Variants in WT1 observed in about 807,000 individuals in gnomAD.
WT1 encodes the protein Wilms tumor protein.
In WT1, 8 loss-of-function variants were observed where a neutral mutation model predicts 60.8. The observed-to-expected ratio is 0.13, with a 90% CI of 0.08 to 0.24. The LOEUF (loss-of-function observed/expected upper bound fraction) is 0.24. Ranked by LOEUF, WT1 falls within the 10% of genes least tolerant of loss-of-function variation. The pLI is 1.00. For missense variants in WT1, 568 were observed against 711.8 expected, an observed-to-expected ratio of 0.80 and a Z score of 2.30; for synonymous variants, 312 against 297.1, an observed-to-expected ratio of 1.05 and a Z score of -0.52.
At chr11:32,424,380 C>A (rs1260990230) in intron 3 of WT1, among the ~76,000 whole-genome samples, 1 of 152,100 alleles carries the variant, frequency 6.6e-6, no homozygotes, top group Non-Finnish European at 1.5e-5. Flanking sequence ...ATAGTACCTG[C>A]CTCAACGAGT....
intron 5 of WT1, among the ~76,000 whole-genome samples, chr11:32,404,351 A>G (rs1309939223): frequency 6.6e-6 from 1 of 151,976 alleles, no homozygotes; most frequent in Non-Finnish European, 1.5e-5. Flanking sequence ...TTTGAGACAT[A>G]AGATAATTGA....
intron 9 of WT1, among the ~76,000 whole-genome samples, chr11:32,391,237 A>AACC (rs5030297): frequency 0.14 from 21,212 of 152,104 alleles, 2,129 homozygotes; most frequent in African/African-American, 0.29. Context: ...CACCCACCTC[A>AACC]TCCCAAATAG....
chr11:32,432,479 C>A (rs1039968505), intron 1 of WT1, among the ~76,000 whole-genome samples: 9 of 152,344 alleles, frequency 5.9e-5, no homozygotes, highest in African/African-American at 2.2e-4. Context: ...CAATGAGCCT[C>A]AAGGGCTGGG....
At chr11:32,430,721 C>CCTG in intron 1 of WT1, 2 of 1,393,018 alleles carry the variant, frequency 1.4e-6, no homozygotes, top group Non-Finnish European at 1.9e-6. Context: ...CCTCCTAGGC[C>CCTG]TCCTCCCAGA....
chr11:32,402,318 C>A (rs1239744130), intron 5 of WT1, among the ~76,000 whole-genome samples: 1 of 152,152 alleles, frequency 6.6e-6, no homozygotes, highest in East Asian at 1.9e-4. Context: ...CCCTTCTGAC[C>A]CTTAGAATGT....
At chr11:32,413,807 A>G (rs1387080377) in intron 5 of WT1, among the ~76,000 whole-genome samples, 2 of 152,210 alleles carry the variant, frequency 1.3e-5, no homozygotes, top group East Asian at 1.9e-4. Flanking sequence ...GTCACAGTCT[A>G]AAAGGTTTCC....
rs1312479779 is a variant in WT1, at chr11:32,428,587, T to C, written c.694A>G (p.Ser232Gly). The C allele has an allele frequency of 6.2e-7, 1 of 1,613,850 alleles. No individual in the cohort carries two copies. The highest frequency in any genetic ancestry group is 1.1e-5 in the South Asian group (1 of 91,074). Residue 232 changes from serine to glycine, a missense_variant, in exon 2 of 10, where the codon AGC becomes GGC. Around this residue, in one of 3 missense-constraint regions of WT1, gnomAD observed 523 missense variants for 565.1 expected, o/e 0.93. Transcript: ENST00000452863. ...TGGTGCGAGGGCGTGTGACCGTAGC[T>C]GGGCGTCCCGTCGAAGGTGACCGTG...
At chr11:32,389,724 T>A (rs147696325) in intron 9 of WT1, among the ~76,000 whole-genome samples, 91 of 152,176 alleles carry the variant, frequency 6.0e-4, no homozygotes, top group African/African-American at 2.1e-3. Context: ...CCAGTTTACA[T>A]GTTATGTGTT....
At chr11:32,416,677 T>A in intron 4 of WT1, 137 bp from the exon 5 acceptor site, 1 of 1,100,884 alleles carries the variant, frequency 9.1e-7, no homozygotes, top group Non-Finnish European at 1.4e-6. Context: ...CTGAACTAAG[T>A]CCCCAGTCCC....
chr11:32,430,464 G>GT, intron 1 of WT1: 1 of 1,394,886 alleles, frequency 7.2e-7, no homozygotes. Flanking sequence ...GGGAGAGAGA[G>GT]AGAGAGAGAG....
intron 1 of WT1, 191 bp from the exon 2 acceptor site, chr11:32,428,810 T>G (rs1429370271): frequency 6.2e-6 from 5 of 812,664 alleles, no homozygotes; most frequent in East Asian, 2.7e-5. Flanking sequence ...GGATGTGACC[T>G]TGGGACAGGC....
chr11:32,429,893 C>A (rs915853078), intron 1 of WT1, among the ~76,000 whole-genome samples: 1 of 150,846 alleles, frequency 6.6e-6, no homozygotes, highest in African/African-American at 2.4e-5. Context: ...AGGACTCAGC[C>A]GATGAGCAGG....
intron 3 of WT1, among the ~76,000 whole-genome samples, chr11:32,424,658 G>A (rs371383716): frequency 6.6e-6 from 1 of 152,168 alleles, no homozygotes; most frequent in Non-Finnish European, 1.5e-5. Context: ...GTTGCTGATT[G>A]AATGTATTTT....
intron 5 of WT1, among the ~76,000 whole-genome samples, chr11:32,407,244 C>T (rs1852341859): frequency 7.3e-6 from 1 of 137,800 alleles, no homozygotes; most frequent in Non-Finnish European, 1.7e-5. Flanking sequence ...TCAGGAAAAA[C>T]AAAAAAACAA....
intron 3 of WT1, among the ~76,000 whole-genome samples, chr11:32,420,703 T>C (rs1037830301): frequency 1.3e-5 from 2 of 152,022 alleles, no homozygotes; most frequent in Non-Finnish European, 2.9e-5. Context: ...ATAACAATAA[T>C]ACAGACAAGA....
rs765187288 is a variant in WT1 at position 32,392,657 on chromosome 11, C to A, written c.1354+9G>T. 1 of 1,613,820 alleles carries A rather than the reference C, an allele frequency of 6.2e-7. No homozygotes were observed. The highest frequency in any genetic ancestry group is 2.2e-5 in the East Asian group (1 of 44,882). On this transcript the variant is annotated intron_variant, in intron 8 of 9. Coordinates refer to ENST00000452863, the MANE Select transcript of WT1 (RefSeq NM_024426.6). ...ACAGCTGCCAGCAATGAGAAGTGAA[C>A]CTACAAACCTGTATGTCTCCTTTGG...
intron 3 of WT1, 28 bp downstream of exon 3, chr11:32,427,928 C>T (rs1253157148): frequency 6.3e-7 from 1 of 1,592,268 alleles, no homozygotes; most frequent in Admixed American, 1.7e-5. Flanking sequence ...TCCCAAGGAC[C>T]CAGACGCAGA....
chr11:32,403,048 G>T (rs1024121264), intron 5 of WT1, among the ~76,000 whole-genome samples: 1 of 152,026 alleles, frequency 6.6e-6, no homozygotes, highest in Non-Finnish European at 1.5e-5. Flanking sequence ...CACTCAAAGG[G>T]AACAGCAATT....
At chr11:32,415,406 C>T (rs1372097231) in intron 5 of WT1, among the ~76,000 whole-genome samples, 4 of 152,186 alleles carry the variant, frequency 2.6e-5, no homozygotes, top group East Asian at 3.9e-4. Context: ...CCCAGCACTT[C>T]GGGAGATCAA....
Sources: gnomAD v4.1 joint callset for allele counts (sites outside exome capture counted in the v4.1 genomes callset) on GRCh38, gnomAD v4.1.1 for gene constraint, gnomAD v4.1.1 regional missense constraint, MANE v1.5 for transcripts, NCBI Gene and HGNC (gene_info 2026-07-23, HGNC 2026-07-21) for gene names.